TENM1: variants seen among roughly 807,000 people sequenced by gnomAD.
TENM1 encodes the protein teneurin transmembrane protein 1.
A neutral mutation model predicts 174.8 loss-of-function variants in TENM1; 35 were observed. The observed-to-expected ratio is 0.20, with a 90% CI of 0.15 to 0.27. TENM1 has a LOEUF of 0.27. Among genes scored for constraint, TENM1 ranks in the 10% least tolerant of loss-of-function variants. The pLI is 1.00. For missense variants in TENM1, 1,633 were observed against 2,130.1 expected (o/e 0.77, Z 4.59); for synonymous variants, 781 against 798.7 (o/e 0.98, Z 0.37).
chrX:124,879,369 A>G (rs2057264939), intron 3 of TENM1, among the ~76,000 whole-genome samples: 1 of 112,250 alleles, frequency 8.9e-6, no homozygotes, highest in South Asian at 3.7e-4. Context: ...GTGAGAACAT[A>G]TATCATTTTT....
At chrX:125,175,443 T>C in the TENM1 span, among the ~76,000 whole-genome samples, 100 of 111,685 alleles carry the variant, frequency 9.0e-4, no homozygotes, top group African/African-American at 3.0e-3. Flanking sequence ...AAATAAGTGA[T>C]ATTATGACAC....
chrX:125,004,901 A>T, the TENM1 span, among the ~76,000 whole-genome samples: 1 of 110,912 alleles, frequency 9.0e-6, no homozygotes, highest in South Asian at 3.9e-4. Flanking sequence ...GTAATCTTAC[A>T]TGCTTTTACA....
At chrX:124,813,922 C>T (rs1342711602) in intron 3 of TENM1, among the ~76,000 whole-genome samples, 9 of 111,010 alleles carry the variant, frequency 8.1e-5, no homozygotes, top group Non-Finnish European at 1.3e-4. Context: ...CATGTGCTAC[C>T]TATTACAAAA....
intron 27 of TENM1, among the ~76,000 whole-genome samples, chrX:124,393,850 C>T (rs923580312): frequency 1.8e-5 from 2 of 111,643 alleles, no homozygotes; most frequent in African/African-American, 6.5e-5. Flanking sequence ...AAACTAGTTA[C>T]TTGTCTGTGC....
intron 1 of TENM1, among the ~76,000 whole-genome samples, chrX:124,947,300 G>C (rs930976552): frequency 2.7e-5 from 3 of 111,680 alleles, no homozygotes; most frequent in African/African-American, 9.7e-5. Context: ...TGTATGTAAA[G>C]AGCATCAGCT....
intron 3 of TENM1, among the ~76,000 whole-genome samples, chrX:124,737,904 G>A (rs950235193): frequency 4.5e-5 from 5 of 111,989 alleles, no homozygotes; most frequent in Admixed American, 9.4e-5. Flanking sequence ...CCATGTTAGC[G>A]GCAGCTTAGG....
chrX:124,927,014 G>A (rs1463276527), intron 1 of TENM1, among the ~76,000 whole-genome samples: 1 of 111,870 alleles, frequency 8.9e-6, no homozygotes, highest in East Asian at 2.8e-4. Flanking sequence ...ACTATTAACT[G>A]CCTTTGTAAA....
intron 16 of TENM1, among the ~76,000 whole-genome samples, chrX:124,527,401 G>A (rs1177280993): frequency 9.0e-6 from 1 of 111,300 alleles, no homozygotes; most frequent in African/African-American, 3.3e-5. Flanking sequence ...AGTTGATAAT[G>A]GGGGTAAATA....
At chrX:125,119,803 T>C in the TENM1 span, among the ~76,000 whole-genome samples, 2 of 110,817 alleles carry the variant, frequency 1.8e-5, no homozygotes, top group Admixed American at 9.7e-5. Flanking sequence ...AAGCTACAAA[T>C]ATCCTAGAAA....
chrX:125,117,923 T>C, the TENM1 span, among the ~76,000 whole-genome samples: 2 of 110,492 alleles, frequency 1.8e-5, no homozygotes, highest in Non-Finnish European at 1.9e-5. Flanking sequence ...TGCACACATA[T>C]GTTTATTGCA....
chrX:124,621,549 TAC>T (rs1392524256), intron 11 of TENM1, among the ~76,000 whole-genome samples: 1 of 112,368 alleles, frequency 8.9e-6, no homozygotes, highest in African/African-American at 3.2e-5. Context: ...ACACACCTTA[TAC>T]ACATAGTCTG....
the TENM1 span, among the ~76,000 whole-genome samples, chrX:125,182,759 G>A: frequency 9.0e-6 from 1 of 110,959 alleles, no homozygotes; most frequent in East Asian, 2.8e-4. Flanking sequence ...ACACTGTAGA[G>A]ACTTATAAAT....
At chrX:124,620,162 G>A (rs922551638) in intron 11 of TENM1, among the ~76,000 whole-genome samples, 1 of 111,870 alleles carries the variant, frequency 8.9e-6, no homozygotes, top group Non-Finnish European at 1.9e-5. Flanking sequence ...ATTCTTTAAA[G>A]AATGGGAGAA....
the TENM1 span, among the ~76,000 whole-genome samples, chrX:124,977,108 G>C: frequency 4.5e-5 from 5 of 111,546 alleles, no homozygotes; most frequent in Admixed American, 9.6e-5. Context: ...ATTGTGTCAC[G>C]TACTGTATGC....
At chrX:125,038,850 G>A in the TENM1 span, among the ~76,000 whole-genome samples, 1 of 111,806 alleles carries the variant, frequency 8.9e-6, no homozygotes, top group Admixed American at 9.5e-5. Flanking sequence ...GTGGCAATTG[G>A]CTTACAGACT....
chrX:125,135,937 A>C, the TENM1 span, among the ~76,000 whole-genome samples: 1 of 111,530 alleles, frequency 9.0e-6, no homozygotes, highest in Non-Finnish European at 1.9e-5. Flanking sequence ...TTTAGAACAT[A>C]TGACAATCAT....
intron 3 of TENM1, among the ~76,000 whole-genome samples, chrX:124,873,301 T>C (rs907355806): frequency 1.8e-5 from 2 of 111,637 alleles, no homozygotes; most frequent in Non-Finnish European, 3.8e-5. Flanking sequence ...CAATCAAAAT[T>C]ATTCATTTAT....
At chrX:125,200,073 A>T in the TENM1 span, among the ~76,000 whole-genome samples, 1 of 111,766 alleles carries the variant, frequency 8.9e-6, no homozygotes, top group East Asian at 2.8e-4. Context: ...AAGCTGTGTG[A>T]AGCCTTTTAT....
intron 3 of TENM1, among the ~76,000 whole-genome samples, chrX:124,772,444 T>G (rs950748467): frequency 6.2e-5 from 7 of 112,150 alleles, no homozygotes; most frequent in Admixed American, 9.5e-5. Context: ...CCCCCTACAT[T>G]CTTTATACTA....
Sources: gnomAD v4.1 joint callset for allele counts (sites outside exome capture counted in the v4.1 genomes callset) on GRCh38, gnomAD v4.1.1 for gene constraint, MANE v1.5 for transcripts, NCBI Gene and HGNC (gene_info 2026-07-23, HGNC 2026-07-21) for gene names.